The following TENM3 variants were observed in gnomAD, a reference collection of about 807,000 sequenced individuals.
TENM3 encodes teneurin transmembrane protein 3, also known as teneurin-3.
Under a neutral mutation model 255.1 loss-of-function variants are expected in TENM3, and 63 were observed. The ratio of observed to expected loss-of-function variants is 0.25; its 90% CI spans 0.20 to 0.30. TENM3 has a LOEUF of 0.30. TENM3 is among the 10% of genes least tolerant of loss of function. The pLI, the probability that TENM3 is intolerant of heterozygous loss-of-function variation, is 1.00. For synonymous variants in TENM3, 1,306 were observed against 1,322.3 expected (o/e 0.99, Z 0.27); for missense variants, 2,929 against 3,461.1 (o/e 0.85, Z 3.86).
At chr4:181,674,494 G>C in the TENM3 span, among the ~76,000 whole-genome samples, 1 of 151,656 alleles carries the variant, frequency 6.6e-6, no homozygotes, top group Non-Finnish European at 1.5e-5. Context: ...TTTTGTGCAA[G>C]ACTTCTCAGA....
chr4:181,827,040 A>C, the TENM3 span, among the ~76,000 whole-genome samples: 3 of 152,164 alleles, frequency 2.0e-5, no homozygotes, highest in Admixed American at 2.0e-4. Context: ...GTGACACCAG[A>C]CAGGGAGTCC....
chr4:182,560,801 A>G (rs1273776465), intron 3 of TENM3, among the ~76,000 whole-genome samples: 2 of 152,194 alleles, frequency 1.3e-5, no homozygotes, highest in Non-Finnish European at 2.9e-5. Flanking sequence ...AGAGAAGGGG[A>G]AAAGAAAATA....
chr4:181,811,393 TTTCCAACACTGG>T, the TENM3 span, among the ~76,000 whole-genome samples: 1 of 152,218 alleles, frequency 6.6e-6, no homozygotes, highest in East Asian at 1.9e-4. Context: ...AGCCTGTATC[TTTCCAACACTGG>T]TTCCAACACT....
intron 1 of TENM3, among the ~76,000 whole-genome samples, chr4:182,310,627 G>A (rs901822813): frequency 5.1e-4 from 77 of 151,604 alleles, no homozygotes; most frequent in Non-Finnish European, 1.0e-3. Flanking sequence ...CACGACTGGG[G>A]TCTGTTCCAC....
chr4:182,035,067 G>T, the TENM3 span, among the ~76,000 whole-genome samples: 7 of 152,094 alleles, frequency 4.6e-5, no homozygotes, highest in Non-Finnish European at 8.8e-5. Context: ...GTTCTTGGGG[G>T]TTTTGTTCGT....
intron 4 of TENM3, among the ~76,000 whole-genome samples, chr4:182,607,545 A>G (rs1271271892): frequency 1.3e-5 from 2 of 152,228 alleles, no homozygotes; most frequent in Non-Finnish European, 2.9e-5. Context: ...AAAAGCCTTC[A>G]TAGATGCATT....
At chr4:182,042,853 TC>T in the TENM3 span, among the ~76,000 whole-genome samples, 1 of 147,824 alleles carries the variant, frequency 6.8e-6, no homozygotes, top group Non-Finnish European at 1.5e-5. Context: ...GAATTAATTT[TC>T]GATCCAAAAC....
chr4:182,394,306 T>C (rs1048310076), intron 3 of TENM3, among the ~76,000 whole-genome samples: 6 of 152,160 alleles, frequency 3.9e-5, no homozygotes, highest in Non-Finnish European at 7.4e-5. Flanking sequence ...TATTTACCTA[T>C]TCCTTCCTGC....
rs776279001 is a variant in TENM3 at position 182,324,067 on chromosome 4, G to T, written c.47G>T (p.Arg16Ile). 4 of 1,613,998 alleles carry T rather than the reference G, an allele frequency of 2.5e-6. No individual in the cohort carries two copies. Among genetic ancestry groups the T allele is most frequent in the Non-Finnish European group, 3.4e-6 (4 of 1,179,898 alleles). The change falls in exon 2 of 28, where the codon AGA (arginine) becomes ATA (isoleucine). Residue 16 changes from arginine (R) to isoleucine (I), a missense_variant. Around this residue, in one of 6 missense-constraint regions of TENM3, gnomAD observed 283 missense variants for 256.9 expected, o/e 1.10. Transcript: ENST00000511685. ...CCTTACTGCTCCCTGACCAAGAGCA[G>T]ACGAGAGAAGGAACGGCGCTACACA... ...RRPYCSLTKS[R>I]REKERRYTNS...
At chr4:182,031,635 C>G in the TENM3 span, among the ~76,000 whole-genome samples, 3 of 152,082 alleles carry the variant, frequency 2.0e-5, no homozygotes, top group African/African-American at 7.2e-5. Context: ...CTATATATTG[C>G]TTTGGGCAGT....
the TENM3 span, among the ~76,000 whole-genome samples, chr4:182,060,051 C>G: frequency 6.6e-6 from 1 of 152,028 alleles, no homozygotes; most frequent in Admixed American, 6.6e-5. Flanking sequence ...GAGACCTGAG[C>G]AACACAGGTA....
At chr4:182,466,635 G>A (rs1041860975) in intron 3 of TENM3, among the ~76,000 whole-genome samples, 9 of 151,956 alleles carry the variant, frequency 5.9e-5, no homozygotes, top group Admixed American at 3.3e-4. Flanking sequence ...CAGCCTCTGC[G>A]TGTCCATTTA....
intron 3 of TENM3, among the ~76,000 whole-genome samples, chr4:182,590,455 T>G (rs1370448582): frequency 7.2e-6 from 1 of 139,568 alleles, no homozygotes; most frequent in South Asian, 2.2e-4. Flanking sequence ...CTGGGCAACA[T>G]AGTGAAAACC....
chr4:181,773,844 C>T, the TENM3 span, among the ~76,000 whole-genome samples: 5 of 152,168 alleles, frequency 3.3e-5, no homozygotes, highest in East Asian at 7.7e-4. Flanking sequence ...TTTAAGGGGC[C>T]TTTGGCATGT....
chr4:181,833,224 C>G, the TENM3 span, among the ~76,000 whole-genome samples: 1 of 152,098 alleles, frequency 6.6e-6, no homozygotes, highest in South Asian at 2.1e-4. Flanking sequence ...GCTGGCATCT[C>G]CTTCCCTCTC....
intron 23 of TENM3, chr4:182,773,913 T>C (rs903801495): frequency 1.8e-5 from 5 of 284,120 alleles, no homozygotes; most frequent in Non-Finnish European, 3.3e-5. Context: ...GCCCTTCACA[T>C]GCATCATCAG....
the TENM3 span, among the ~76,000 whole-genome samples, chr4:181,608,495 G>A: frequency 6.6e-6 from 1 of 151,666 alleles, no homozygotes; most frequent in Non-Finnish European, 1.5e-5. Flanking sequence ...CCAGCAGAGA[G>A]TAACTGTGTC....
intron 3 of TENM3, among the ~76,000 whole-genome samples, chr4:182,463,534 G>A (rs1301698748): frequency 8.6e-5 from 13 of 150,818 alleles, no homozygotes; most frequent in Admixed American, 6.6e-4. Context: ...GCAGTGGTGC[G>A]ATCTCTGCTC....
chr4:181,947,727 GA>G, the TENM3 span, among the ~76,000 whole-genome samples: 19 of 148,084 alleles, frequency 1.3e-4, no homozygotes, highest in East Asian at 7.9e-4. Flanking sequence ...AGCCAAAAAA[GA>G]AAAAAAAAAT....
Sources: allele counts gnomAD v4.1 joint callset (sites outside exome capture counted in the v4.1 genomes callset), GRCh38; gene constraint gnomAD v4.1.1; regional missense constraint gnomAD v4.1.1; transcripts MANE v1.5; gene names NCBI Gene and HGNC (gene_info 2026-07-23, HGNC 2026-07-21).